Variants in RYR2 observed in about 807,000 individuals in gnomAD.
RYR2 encodes ryanodine receptor 2, also known as cardiac muscle ryanodine receptor-calcium release channel.
Under a neutral mutation model 601.1 loss-of-function variants are expected in RYR2, and 227 were observed. The ratio of observed to expected loss-of-function variants is 0.38; its 90% CI spans 0.34 to 0.42. RYR2 has a LOEUF of 0.42. RYR2 is among the 10% of genes least tolerant of loss of function. The pLI is 1.00. For synonymous variants in RYR2, 2,223 were observed against 2,175.1 expected (o/e 1.02, Z -0.61); for missense variants, 4,646 against 6,156.5 (o/e 0.75, Z 8.21).
In RYR2 at chr1:237,072,959, A is replaced by AC. The variant is rs1472445511; in HGVS notation, c.48+30390_48+30391insC. Among the ~76,000 whole-genome samples, 62 of 150,378 alleles carry AC rather than the reference A, an allele frequency of 4.1e-4. No individual in the cohort carries two copies. The South Asian group carries it at 0.011, about 26-fold the overall frequency. ...CGAGACTCCATCTCAAAAAAAAAAA[A>AC]AAAAACAAAAACTCATCTGTTAGTA... On this transcript the variant is annotated intron_variant, in intron 1 of 104. Transcript: ENST00000366574.
intron 12 of RYR2, among the ~76,000 whole-genome samples, chr1:237,436,454 C>CTATTTTTTTTTTTTTTTTTTTTTTTT (rs1707368171): frequency 2.1e-5 from 1 of 48,728 alleles, no homozygotes; most frequent in African/African-American, 9.8e-5. Flanking sequence ...TGTGATTTTC[C>CTATTTTTTTTTTTTTTTTTTTTTTTT]TTTTTTTTTT....
intron 3 of RYR2, among the ~76,000 whole-genome samples, chr1:237,346,063 T>C (rs1251568072): frequency 6.6e-6 from 1 of 152,072 alleles, no homozygotes; most frequent in African/African-American, 2.4e-5. Flanking sequence ...ATATTGATAA[T>C]TTTGAGTTAG....
chr1:237,157,808 G>A (rs913595311), intron 1 of RYR2, among the ~76,000 whole-genome samples: 1 of 151,958 alleles, frequency 6.6e-6, no homozygotes, highest in Non-Finnish European at 1.5e-5. Flanking sequence ...AATAAATTCT[G>A]GTATTCAATA....
intron 1 of RYR2, among the ~76,000 whole-genome samples, chr1:237,255,631 A>AT (rs1222527448): frequency 6.6e-6 from 1 of 152,064 alleles, no homozygotes; most frequent in African/African-American, 2.4e-5. Context: ...GGCAGTTTCA[A>AT]TTTTTTTCAC....
intron 43 of RYR2, among the ~76,000 whole-genome samples, chr1:237,634,013 G>A (rs1337721374): frequency 6.6e-6 from 1 of 152,168 alleles, no homozygotes; most frequent in Non-Finnish European, 1.5e-5. Flanking sequence ...ATGTTGGTGG[G>A]AATGTAAACA....
chr1:237,428,698 A>G (rs1461351711), intron 12 of RYR2, among the ~76,000 whole-genome samples: 2 of 151,760 alleles, frequency 1.3e-5, no homozygotes, highest in Admixed American at 1.3e-4. Flanking sequence ...GCAAACCACC[A>G]TGGCACACTT....
At chr1:237,395,625 C>G (rs557763544) in intron 10 of RYR2, among the ~76,000 whole-genome samples, 6 of 146,548 alleles carry the variant, frequency 4.1e-5, no homozygotes, top group South Asian at 4.3e-4. Context: ...CTGCTCACTG[C>G]AAGCTCTGCC....
intron 53 of RYR2, among the ~76,000 whole-genome samples, chr1:237,656,909 TG>T (rs1008544496): frequency 1.1e-4 from 16 of 152,242 alleles, no homozygotes; most frequent in African/African-American, 3.9e-4. Context: ...CTTATATGAT[TG>T]ATCTTTTGTA....
At chr1:237,085,778 G>T (rs1666259768) in intron 1 of RYR2, among the ~76,000 whole-genome samples, 1 of 152,034 alleles carries the variant, frequency 6.6e-6, no homozygotes, top group African/African-American at 2.4e-5. Flanking sequence ...GAGAGGAGGT[G>T]TCCCTCTGTC....
chr1:237,367,842 AG>A lies in RYR2; in HGVS notation c.310-1691del, dbSNP rs374162862. On this transcript the variant is annotated intron_variant, in intron 5 of 104. Coordinates refer to ENST00000366574, the MANE Select transcript of RYR2 (RefSeq NM_001035.3). ...CATACTCCTTACTCAGCCTGAAGTG[AG>A]CTTCCCCATATCCAGTTTTTCATTT... is the stretch of plus-strand genomic sequence containing the variant. Among the ~76,000 whole-genome samples the A allele has an allele frequency of 5.8e-3, 890 of 152,310 alleles. 14 individuals carry two copies. The highest frequency in any genetic ancestry group is 0.021 in the African/African-American group (856 of 41,568).
intron 27 of RYR2, among the ~76,000 whole-genome samples, chr1:237,556,277 A>AAAT (rs1670861421): frequency 1.3e-5 from 1 of 78,374 alleles, no homozygotes; most frequent in East Asian, 3.8e-4. Flanking sequence ...CCATTTTTTA[A>AAAT]AATATTATTA....
intron 23 of RYR2, among the ~76,000 whole-genome samples, chr1:237,509,758 G>A (rs1665690891): frequency 6.6e-6 from 1 of 152,184 alleles, no homozygotes; most frequent in African/African-American, 2.4e-5. Flanking sequence ...CTCTTCCCAG[G>A]GAAATCAGGG....
At chr1:237,399,739 T>A (rs568848751) in intron 10 of RYR2, among the ~76,000 whole-genome samples, 65 of 152,062 alleles carry the variant, frequency 4.3e-4, no homozygotes, top group Non-Finnish European at 9.0e-4. Flanking sequence ...CTTGTACATA[T>A]TTTCCTAAAT....
intron 48 of RYR2, among the ~76,000 whole-genome samples, chr1:237,644,447 T>C (rs1681910541): frequency 6.6e-6 from 1 of 151,734 alleles, no homozygotes; most frequent in Non-Finnish European, 1.5e-5. Context: ...TTAGCCAGGA[T>C]GGTCTCGACC....
rs919989129 is a variant in RYR2, at chr1:237,759,835, C to G, written c.11385C>G (p.Gly3795=). The change falls in exon 83 of 105, where the codon GGC becomes GGG. Residue 3795 remains glycine (G), a synonymous_variant. Coordinates refer to ENST00000366574, the MANE Select transcript of RYR2 (RefSeq NM_001035.3). ...TGGGCTTCTTTCAGAGCCTGGCCGG[C>G]CTGATGCAGTCATGTAGGTAAGGAC... ...KDVGFFQSLA[G]LMQSCSVLDL... 6.2e-7 allele frequency: 1 copy of G among 1,611,180 alleles called. No homozygotes were observed. The highest frequency in any genetic ancestry group is 1.3e-5 in the African/African-American group (1 of 74,750).
At chr1:237,457,271 T>C (rs2150232834) in intron 16 of RYR2, among the ~76,000 whole-genome samples, 1 of 152,296 alleles carries the variant, frequency 6.6e-6, no homozygotes, top group Non-Finnish European at 1.5e-5. Context: ...ATTCTTTATA[T>C]GATCTCTGTT....
intron 2 of RYR2, among the ~76,000 whole-genome samples, chr1:237,292,103 C>T (rs570938253): frequency 1.3e-5 from 2 of 152,236 alleles, no homozygotes; most frequent in African/African-American, 4.8e-5. Context: ...CTATTTGAAG[C>T]ACAAAACAGC....
chr1:237,101,481 A>G (rs1668100863), intron 1 of RYR2, among the ~76,000 whole-genome samples: 1 of 152,156 alleles, frequency 6.6e-6, no homozygotes, highest in Non-Finnish European at 1.5e-5. Flanking sequence ...TCAATTAAAT[A>G]ATATTTATTG....
intron 10 of RYR2, among the ~76,000 whole-genome samples, chr1:237,406,035 ATTCTT>A (rs1382922675): frequency 1.3e-5 from 2 of 151,390 alleles, no homozygotes; most frequent in Non-Finnish European, 3.0e-5. Flanking sequence ...TCATATCCTC[ATTCTT>A]TTCTTTGCAT....
Sources: allele counts gnomAD v4.1 joint callset (sites outside exome capture counted in the v4.1 genomes callset), GRCh38; gene constraint gnomAD v4.1.1; transcripts MANE v1.5; gene names NCBI Gene and HGNC (gene_info 2026-07-23, HGNC 2026-07-21).